The following CNTN5 variants were observed in gnomAD, a reference collection of about 807,000 sequenced individuals.
CNTN5 encodes contactin-5.
Under a neutral mutation model 129.1 loss-of-function variants are expected in CNTN5, and 77 were observed. The ratio of observed to expected loss-of-function variants is 0.60; its 90% CI spans 0.50 to 0.72. CNTN5 has a LOEUF of 0.72. Ranked by LOEUF, CNTN5 falls within the 30% of genes least tolerant of loss-of-function variation. The pLI, the probability that CNTN5 is intolerant of heterozygous loss-of-function variation, is 0.00. For synonymous variants in CNTN5, 509 were observed against 465.6 expected (o/e 1.09, Z -1.20); for missense variants, 1,478 against 1,328.8 (o/e 1.11, Z -1.75).
intron 2 of CNTN5, among the ~76,000 whole-genome samples, chr11:99,327,063 T>A (rs7933432): frequency 0.31 from 47,303 of 151,878 alleles, 7,402 homozygotes; most frequent in Middle Eastern, 0.39. Flanking sequence ...AACTCTATAT[T>A]TTTTTTTACT....
At chr11:100,150,016 A>T (rs777114083) in intron 13 of CNTN5, among the ~76,000 whole-genome samples, 40 of 152,194 alleles carry the variant, frequency 2.6e-4, no homozygotes, top group Non-Finnish European at 4.9e-4. Flanking sequence ...TTCTACCAAT[A>T]TAAACAGGAG....
intron 13 of CNTN5, among the ~76,000 whole-genome samples, chr11:100,181,156 T>A (rs1324205620): frequency 6.6e-6 from 1 of 152,036 alleles, no homozygotes; most frequent in African/African-American, 2.4e-5. Context: ...CCTGCCCAGA[T>A]GTTGTTCAAT....
At chr11:99,723,201 C>T (rs1943229213) in intron 3 of CNTN5, among the ~76,000 whole-genome samples, 1 of 151,400 alleles carries the variant, frequency 6.6e-6, no homozygotes, top group Non-Finnish European at 1.5e-5. Context: ...TCCTCCCTTC[C>T]TCCCTTTATT....
In CNTN5 at chr11:99,020,993, A is replaced by G. The variant is rs550645004; in HGVS notation, c.-487A>G. 1 of 152,694 alleles carries G rather than the reference A, an allele frequency of 6.5e-6. No individual in the cohort carries two copies. The highest frequency in any genetic ancestry group is 2.1e-4 in the South Asian group (1 of 4,834). 9.5% of individuals were successfully genotyped at this position (152,694 alleles called of 1,614,324 possible). A position where few individuals can be genotyped will look rare whatever the true frequency, so the allele number is the denominator to read the frequency against. On this transcript the variant is annotated 5_prime_UTR_variant, in exon 1 of 25. Transcript: ENST00000524871. ...CCGCACCTACTTCCCAATATAACCA[A>G]CTACGGCGTGGGGGAGCGGAACTGC...
chr11:99,687,924 AT>A (rs1429330182), intron 3 of CNTN5, among the ~76,000 whole-genome samples: 1 of 152,180 alleles, frequency 6.6e-6, no homozygotes, highest in African/African-American at 2.4e-5. Context: ...TATATTTAAT[AT>A]TTAGAAGCAT....
At chr11:99,344,273 T>G (rs1866653823) in intron 2 of CNTN5, among the ~76,000 whole-genome samples, 2 of 152,156 alleles carry the variant, frequency 1.3e-5, no homozygotes, top group Non-Finnish European at 2.9e-5. Context: ...CCAGACATAT[T>G]TTGGAGGAAT....
chr11:99,623,667 T>G (rs532237676), intron 3 of CNTN5, among the ~76,000 whole-genome samples: 1 of 144,752 alleles, frequency 6.9e-6, no homozygotes, highest in Admixed American at 7.8e-5. Flanking sequence ...GAGGCATAGT[T>G]CCATAAAAGA....
chr11:99,329,675 A>T (rs1432089276), intron 2 of CNTN5, among the ~76,000 whole-genome samples: 1 of 152,132 alleles, frequency 6.6e-6, no homozygotes, highest in African/African-American at 2.4e-5. Flanking sequence ...ACTGTCACAT[A>T]TGCTGAGTGT....
chr11:99,450,357 T>C (rs1944252104), intron 2 of CNTN5, among the ~76,000 whole-genome samples: 1 of 151,942 alleles, frequency 6.6e-6, no homozygotes, highest in Non-Finnish European at 1.5e-5. Flanking sequence ...ATGTATATTG[T>C]ATAGACTGTC....
chr11:100,013,272 C>T (rs1940629867), intron 9 of CNTN5, among the ~76,000 whole-genome samples: 1 of 152,056 alleles, frequency 6.6e-6, no homozygotes, highest in Non-Finnish European at 1.5e-5. Flanking sequence ...ACACTAAAAG[C>T]CCAGACTTCA....
At chr11:99,909,033 A>T (rs1949585033) in intron 6 of CNTN5, among the ~76,000 whole-genome samples, 1 of 151,992 alleles carries the variant, frequency 6.6e-6, no homozygotes, top group African/African-American at 2.4e-5. Context: ...ATCTTTACAG[A>T]TTTTCCTTCC....
At chr11:100,203,516 T>G (rs998127513) in intron 15 of CNTN5, among the ~76,000 whole-genome samples, 1 of 152,066 alleles carries the variant, frequency 6.6e-6, no homozygotes, top group Non-Finnish European at 1.5e-5. Context: ...TATGCAGTTT[T>G]GGCCACCAAA....
intron 6 of CNTN5, among the ~76,000 whole-genome samples, chr11:99,875,850 T>C (rs940486211): frequency 2.6e-5 from 4 of 152,150 alleles, no homozygotes; most frequent in Non-Finnish European, 5.9e-5. Flanking sequence ...GTTAAAAATA[T>C]TGACTTAATT....
At chr11:100,215,366 C>T (rs779848217) in intron 15 of CNTN5, among the ~76,000 whole-genome samples, 13 of 152,112 alleles carry the variant, frequency 8.5e-5, no homozygotes, top group Non-Finnish European at 7.3e-5. Context: ...TAGAGTATAC[C>T]TCCCAGTAAG....
intron 13 of CNTN5, among the ~76,000 whole-genome samples, chr11:100,170,555 C>T (rs916786470): frequency 2.0e-5 from 3 of 151,966 alleles, no homozygotes; most frequent in Non-Finnish European, 2.9e-5. Context: ...TTACAGTTAT[C>T]CCCTACCACA....
intron 13 of CNTN5, among the ~76,000 whole-genome samples, chr11:100,143,469 A>G (rs563382190): frequency 1.4e-4 from 22 of 152,236 alleles, no homozygotes; most frequent in African/African-American, 5.3e-4. Flanking sequence ...ACCTAGTTAT[A>G]CTAGGAAAGA....
At position 99,249,123 on chromosome 11, in the gene CNTN5, G is replaced by C. The variant is rs184960484; in HGVS notation, c.-209-76223G>C. Among the ~76,000 whole-genome samples, 10 of 152,106 alleles carry C rather than the reference G, an allele frequency of 6.6e-5. No homozygotes were observed. The South Asian group carries it at 2.1e-3, about 32-fold the overall frequency. ...GCATGGAATGTTCTTCCATTTGTTCGCATCCTCTTTTATTTCGTTGAGCAG... is the reference window on the plus strand; with the variant it reads ...GCATGGAATGTTCTTCCATTTGTTCCCATCCTCTTTTATTTCGTTGAGCAG... On this transcript the variant is annotated intron_variant, in intron 1 of 24. Coordinates refer to ENST00000524871, the MANE Select transcript of CNTN5 (RefSeq NM_014361.4).
chr11:99,477,884 G>A (rs1002741671), intron 2 of CNTN5, among the ~76,000 whole-genome samples: 3 of 151,892 alleles, frequency 2.0e-5, no homozygotes, highest in Admixed American at 2.0e-4. Flanking sequence ...GCTAAATATT[G>A]GAGGTACAAT....
intron 1 of CNTN5, among the ~76,000 whole-genome samples, chr11:99,205,558 A>G (rs1349478662): frequency 6.6e-6 from 1 of 152,214 alleles, no homozygotes; most frequent in Non-Finnish European, 1.5e-5. Context: ...TCAACCATGC[A>G]GGATGAATAA....
Sources: gnomAD v4.1 joint callset for allele counts (sites outside exome capture counted in the v4.1 genomes callset) on GRCh38, gnomAD v4.1.1 for gene constraint, MANE v1.5 for transcripts, NCBI Gene and HGNC (gene_info 2026-07-23, HGNC 2026-07-21) for gene names.